Variants in ROBO1 observed in about 807,000 individuals in gnomAD.
ROBO1 encodes roundabout homolog 1.
Under a neutral mutation model 195.9 loss-of-function variants are expected in ROBO1, and 149 were observed. The ratio of observed to expected loss-of-function variants is 0.76; its 90% CI spans 0.67 to 0.87. The LOEUF is 0.87. Ranked by LOEUF, ROBO1 falls within the 40% of genes least tolerant of loss-of-function variation. ROBO1 has a pLI of 0.00. For missense variants in ROBO1, 1,933 were observed against 2,068.3 expected, an observed-to-expected ratio of 0.93 and a Z score of 1.27; for synonymous variants, 816 against 733.2, an observed-to-expected ratio of 1.11 and a Z score of -1.82.
intron 1 of ROBO1, among the ~76,000 whole-genome samples, chr3:79,676,099 G>A (rs562326465): frequency 1.6e-4 from 24 of 151,946 alleles, no homozygotes; most frequent in East Asian, 9.7e-4. Flanking sequence ...CCTTAGCCAC[G>A]AACCTTGTGA....
chr3:78,800,642 C>A (rs971950322), intron 4 of ROBO1, among the ~76,000 whole-genome samples: 1 of 152,058 alleles, frequency 6.6e-6, no homozygotes, highest in Non-Finnish European at 1.5e-5. Context: ...CTGCAACCTC[C>A]GCCACCTGGG....
chr3:79,269,731 G>C (rs536701656), intron 2 of ROBO1, among the ~76,000 whole-genome samples: 1 of 151,668 alleles, frequency 6.6e-6, no homozygotes, highest in African/African-American at 2.4e-5. Flanking sequence ...ATTTGAGACT[G>C]TTCTTCCCTC....
At chr3:79,114,250 C>T (rs995641507) in intron 3 of ROBO1, among the ~76,000 whole-genome samples, 2 of 152,120 alleles carry the variant, frequency 1.3e-5, no homozygotes, top group African/African-American at 4.8e-5. Context: ...TTACAATAAC[C>T]CAGTGGAGAT....
At chr3:78,804,616 G>GA (rs2084473875) in intron 4 of ROBO1, among the ~76,000 whole-genome samples, 1 of 149,894 alleles carries the variant, frequency 6.7e-6, no homozygotes, top group African/African-American at 2.5e-5. Flanking sequence ...AGTGTAGAGG[G>GA]AAAAAAATAA....
chr3:78,978,625 C>T (rs1477397417), intron 3 of ROBO1, among the ~76,000 whole-genome samples: 1 of 152,042 alleles, frequency 6.6e-6, no homozygotes, highest in East Asian at 1.9e-4. Context: ...GTTAGCAGCA[C>T]AGGGATTCAA....
intron 3 of ROBO1, among the ~76,000 whole-genome samples, chr3:79,108,394 C>T (rs948041288): frequency 2.6e-4 from 40 of 151,752 alleles, no homozygotes; most frequent in African/African-American, 9.7e-4. Context: ...GTCCATTCAA[C>T]TACTTTTTAT....
At chr3:79,556,906 T>C (rs2107693070) in intron 2 of ROBO1, among the ~76,000 whole-genome samples, 1 of 151,554 alleles carries the variant, frequency 6.6e-6, no homozygotes, top group East Asian at 1.9e-4. Context: ...TTTTATTTTT[T>C]AAAATAAAAA....
At chr3:79,326,225 C>T (rs897347013) in intron 2 of ROBO1, among the ~76,000 whole-genome samples, 226 of 152,262 alleles carry the variant, frequency 1.5e-3, no homozygotes, top group Admixed American at 3.1e-3. Flanking sequence ...CCTGTGAACT[C>T]GCCCTGCCTC....
chr3:78,978,175 A>G (rs937418796), intron 3 of ROBO1, among the ~76,000 whole-genome samples: 3 of 152,058 alleles, frequency 2.0e-5, no homozygotes, highest in Non-Finnish European at 4.4e-5. Context: ...ATTATAAATG[A>G]CCTATTGGTT....
chr3:79,408,065 G>T, intron 2 of ROBO1, among the ~76,000 whole-genome samples: 1 of 151,566 alleles, frequency 6.6e-6, no homozygotes, highest in East Asian at 1.9e-4. Context: ...AAAAAAATTG[G>T]GTTAGCGAGG....
At chr3:79,231,673 A>G (rs2082323782) in intron 2 of ROBO1, among the ~76,000 whole-genome samples, 1 of 152,224 alleles carries the variant, frequency 6.6e-6, no homozygotes, top group Non-Finnish European at 1.5e-5. Flanking sequence ...AAAGACCTAA[A>G]GACAGAAATG....
Position 78,746,772 on chromosome 3 carries a change from G to A in ROBO1, c.628C>T (p.Pro210Ser), listed in dbSNP as rs1403634766. 1.3e-6 allele frequency: 2 copies of A among 1,571,492 alleles called. No homozygotes were observed. The highest frequency in any genetic ancestry group is 4.5e-5 in the East Asian group (2 of 44,070). ...ATTCTTTCATCTTTATCATCCAGTG[G>A]AGAGCCATCTTTCTTCCATGAAATG... ...PTISWKKDGS[P>S]LDDKDERITI... The change falls in exon 5 of 31, where the codon CCA becomes TCA. Residue 210 changes from proline to serine, a missense_variant. Pro to Ser is a moderately conservative substitution (Grantham distance 74). Coordinates refer to ENST00000464233, the MANE Select transcript of ROBO1 (RefSeq NM_002941.4).
At chr3:79,581,833 C>A (rs1414556278) in intron 2 of ROBO1, among the ~76,000 whole-genome samples, 1 of 151,880 alleles carries the variant, frequency 6.6e-6, no homozygotes, top group African/African-American at 2.4e-5. Context: ...ATACAGGGTA[C>A]AAATCTTAAG....
intron 3 of ROBO1, among the ~76,000 whole-genome samples, chr3:79,105,754 T>C (rs2079766575): frequency 6.6e-6 from 1 of 151,800 alleles, no homozygotes. Flanking sequence ...GTGTATGTAA[T>C]GAAAAGAGTA....
At chr3:79,636,317 A>G (rs1431772716) in intron 1 of ROBO1, among the ~76,000 whole-genome samples, 1 of 152,194 alleles carries the variant, frequency 6.6e-6, no homozygotes, top group African/African-American at 2.4e-5. Context: ...ATAAGTGTAT[A>G]TATACTAGAG....
intron 2 of ROBO1, among the ~76,000 whole-genome samples, chr3:79,547,180 G>A (rs1371571502): frequency 1.5e-4 from 7 of 46,600 alleles, no homozygotes; most frequent in Non-Finnish European, 3.4e-5. Flanking sequence ...GCGAGACTCC[G>A]CCTCAAAAAA....
chr3:78,840,789 G>A (rs771848252), intron 4 of ROBO1, among the ~76,000 whole-genome samples: 9 of 152,044 alleles, frequency 5.9e-5, no homozygotes, highest in African/African-American at 9.7e-5. Flanking sequence ...GGCCGAGTGC[G>A]GTGGCTCACA....
At chr3:79,476,325 C>T (rs1193969154) in intron 2 of ROBO1, among the ~76,000 whole-genome samples, 38 of 152,004 alleles carry the variant, frequency 2.5e-4, no homozygotes, top group South Asian at 2.1e-4. Context: ...TGGAAAACAG[C>T]GTAGAGATTC....
chr3:78,786,704 C>T (rs2083846653), intron 4 of ROBO1, among the ~76,000 whole-genome samples: 1 of 152,150 alleles, frequency 6.6e-6, no homozygotes, highest in Non-Finnish European at 1.5e-5. Context: ...GTTCTCTTGC[C>T]TGCTGCCATG....
Sources: allele counts gnomAD v4.1 joint callset (sites outside exome capture counted in the v4.1 genomes callset), GRCh38; gene constraint gnomAD v4.1.1; transcripts MANE v1.5; gene names NCBI Gene and HGNC (gene_info 2026-07-23, HGNC 2026-07-21).